The following CSGALNACT1 variants were observed in gnomAD, a reference collection of about 807,000 sequenced individuals.
The protein encoded by CSGALNACT1 is beta4GalNAcT-1.
A neutral mutation model predicts 51.0 loss-of-function variants in CSGALNACT1; 52 were observed. That is an observed-to-expected ratio of 1.02 (90% confidence interval 0.82 to 1.29). CSGALNACT1 has a LOEUF of 1.29. Ranked by LOEUF, CSGALNACT1 falls within the 50% of genes most tolerant of loss-of-function variation. The pLI is 0.00. For synonymous variants in CSGALNACT1, 341 were observed against 254.4 expected, an observed-to-expected ratio of 1.34 and a Z score of -3.24; for missense variants, 935 against 679.2, an observed-to-expected ratio of 1.38 and a Z score of -4.19.
At chr8:19,688,341 A>G (rs897879712) in intron 1 of CSGALNACT1, among the ~76,000 whole-genome samples, 11 of 152,130 alleles carry the variant, frequency 7.2e-5, no homozygotes, top group Admixed American at 6.5e-4. Flanking sequence ...TGGGAGATTG[A>G]TTCTGTAAAA....
intron 1 of CSGALNACT1, among the ~76,000 whole-genome samples, chr8:19,707,626 C>T (rs1036977990): frequency 1.9e-5 from 2 of 105,762 alleles, no homozygotes; most frequent in Non-Finnish European, 4.1e-5. Flanking sequence ...TCTACAAGAG[C>T]TACACGCAAT....
intron 4 of CSGALNACT1, among the ~76,000 whole-genome samples, chr8:19,468,218 GACA>G (rs1416402866): frequency 6.6e-6 from 1 of 152,084 alleles, no homozygotes; most frequent in Non-Finnish European, 1.5e-5. Context: ...TGTTGGCCAA[GACA>G]ACAACATCAG....
At chr8:19,625,146 A>G (rs775199982) in intron 1 of CSGALNACT1, among the ~76,000 whole-genome samples, 1 of 152,182 alleles carries the variant, frequency 6.6e-6, no homozygotes, top group Non-Finnish European at 1.5e-5. Context: ...CCCTACCTAG[A>G]TGGAGAGGGA....
intron 4 of CSGALNACT1, among the ~76,000 whole-genome samples, chr8:19,499,197 C>G: frequency 6.6e-6 from 1 of 152,192 alleles, no homozygotes; most frequent in African/African-American, 2.4e-5. Flanking sequence ...TTCTAGGAAG[C>G]CTGTCCTATA....
chr8:19,602,413 G>T (rs1027584574), exon 1 of CSGALNACT1: 1 of 152,764 alleles, frequency 6.5e-6, no homozygotes, highest in African/African-American at 2.4e-5. Flanking sequence ...CTGGAAAACG[G>T]TGGGAGCAGG....
chr8:19,751,048 T>C (rs1315036043), intron 1 of CSGALNACT1, among the ~76,000 whole-genome samples: 1 of 152,198 alleles, frequency 6.6e-6, no homozygotes, highest in Non-Finnish European at 1.5e-5. Flanking sequence ...TGCTCCATCA[T>C]GCCCAGAAAT....
At chr8:19,748,717 C>T (rs554914543) in intron 1 of CSGALNACT1, among the ~76,000 whole-genome samples, 4 of 152,248 alleles carry the variant, frequency 2.6e-5, no homozygotes, top group African/African-American at 9.6e-5. Flanking sequence ...GTAAACCCAG[C>T]ACTTTGGGAG....
exon 5 of CSGALNACT1, chr8:19,458,516 T>C (rs776717425): frequency 1.9e-6 from 3 of 1,614,232 alleles, no homozygotes; most frequent in South Asian, 1.1e-5. Flanking sequence ...GTTGAGCTTT[T>C]CATTTTTCAC....
At chr8:19,513,338 A>G (rs1280472534) in intron 3 of CSGALNACT1, among the ~76,000 whole-genome samples, 5 of 151,164 alleles carry the variant, frequency 3.3e-5, no homozygotes, top group Non-Finnish European at 5.9e-5. Flanking sequence ...CACGAAAGCC[A>G]CTATAATGAT....
At chr8:19,612,964 A>G (rs1212889788) in intron 1 of CSGALNACT1, among the ~76,000 whole-genome samples, 2 of 144,490 alleles carry the variant, frequency 1.4e-5, no homozygotes, top group African/African-American at 5.2e-5. Flanking sequence ...AAAAAAAAAA[A>G]AAAAAAAAAA....
At chr8:19,406,463 T>C (rs1307892521) in intron 9 of CSGALNACT1, among the ~76,000 whole-genome samples, 3 of 152,004 alleles carry the variant, frequency 2.0e-5, no homozygotes, top group South Asian at 4.2e-4. Context: ...CAATTTATTG[T>C]ATATTTAAAA....
chr8:19,583,939 ATGCACCC>A (rs2046113678), intron 3 of CSGALNACT1, among the ~76,000 whole-genome samples: 1 of 152,198 alleles, frequency 6.6e-6, no homozygotes, highest in Non-Finnish European at 1.5e-5. Flanking sequence ...CCATCACTCT[ATGCACCC>A]TGCAGCCTTT....
upstream of CSGALNACT1, among the ~76,000 whole-genome samples, chr8:19,686,357 A>C (rs1406922945): frequency 1.3e-5 from 2 of 152,192 alleles, no homozygotes; most frequent in African/African-American, 4.8e-5. Context: ...TATCTATAGG[A>C]GACAGCATTC....
intron 3 of CSGALNACT1, among the ~76,000 whole-genome samples, chr8:19,534,215 G>A (rs1467979623): frequency 1.3e-5 from 2 of 152,112 alleles, no homozygotes; most frequent in African/African-American, 4.8e-5. Flanking sequence ...ACTTTGGGAG[G>A]CCAAGGCATG....
chr8:19,542,739 T>A (rs1487214145), intron 3 of CSGALNACT1, among the ~76,000 whole-genome samples: 4 of 152,064 alleles, frequency 2.6e-5, no homozygotes, highest in East Asian at 1.9e-4. Context: ...CAAAACCCCA[T>A]CATTTTTTTT....
At chr8:19,495,441 G>GGGCTGTATGC (rs2075285916) in intron 4 of CSGALNACT1, among the ~76,000 whole-genome samples, 2 of 152,190 alleles carry the variant, frequency 1.3e-5, no homozygotes, top group African/African-American at 4.8e-5. Flanking sequence ...GGCATTTATA[G>GGGCTGTATGC]GGCTGTATGC....
intron 1 of CSGALNACT1, among the ~76,000 whole-genome samples, chr8:19,671,242 G>C (rs976069713): frequency 6.6e-6 from 1 of 152,162 alleles, no homozygotes; most frequent in Non-Finnish European, 1.5e-5. Flanking sequence ...AGACCCTGAA[G>C]GTTCTAAGAT....
intron 3 of CSGALNACT1, among the ~76,000 whole-genome samples, chr8:19,556,565 G>A (rs2039481596): frequency 6.6e-6 from 1 of 152,150 alleles, no homozygotes; most frequent in Non-Finnish European, 1.5e-5. Context: ...CAAGACTGCT[G>A]ACCAATAGTG....
At chr8:19,751,321 G>T (rs1361380392) in intron 1 of CSGALNACT1, among the ~76,000 whole-genome samples, 2 of 152,156 alleles carry the variant, frequency 1.3e-5, no homozygotes, top group Non-Finnish European at 2.9e-5. Flanking sequence ...TGGCTGTGCT[G>T]ATTAAATGAA....
Sources: allele counts gnomAD v4.1 joint callset (sites outside exome capture counted in the v4.1 genomes callset), GRCh38; gene constraint gnomAD v4.1.1; transcripts MANE v1.5; gene names NCBI Gene and HGNC (gene_info 2026-07-23, HGNC 2026-07-21).